Variants in ARL15 observed in about 807,000 individuals in gnomAD.
The protein encoded by ARL15 is ADP-ribosylation factor-like protein 15.
Under a neutral mutation model 25.2 loss-of-function variants are expected in ARL15, and 19 were observed. The ratio of observed to expected loss-of-function variants is 0.75; its 90% confidence interval spans 0.53 to 1.10. The LOEUF is 1.10. Among genes scored for constraint, ARL15 ranks in the 50% least tolerant of loss-of-function variants. The pLI is 0.00. For synonymous variants in ARL15, 94 were observed against 86.8 expected (o/e 1.08, Z -0.46); for missense variants, 220 against 246.0 (o/e 0.89, Z 0.71).
At chr5:53,942,998 G>A (rs697092) in intron 4 of ARL15, among the ~76,000 whole-genome samples, 1 of 151,920 alleles carries the variant, frequency 6.6e-6, no homozygotes, top group Admixed American at 6.5e-5. Flanking sequence ...GAAAATGGGA[G>A]GGGAGGAAAT....
At chr5:53,890,063 T>G (rs56086233) in intron 4 of ARL15, among the ~76,000 whole-genome samples, 50,187 of 152,078 alleles carry the variant, frequency 0.33, 9,374 homozygotes, top group Non-Finnish European at 0.42. Flanking sequence ...TCTGCCCACC[T>G]TGGCCTCCCA....
intron 4 of ARL15, among the ~76,000 whole-genome samples, chr5:53,969,031 TC>T (rs1442075439): frequency 6.6e-6 from 1 of 151,822 alleles, no homozygotes; most frequent in Non-Finnish European, 1.5e-5. Flanking sequence ...GTGCCTGTAA[TC>T]TCAGCTACTC....
At chr5:54,287,469 C>A (rs571488126) in intron 1 of ARL15, among the ~76,000 whole-genome samples, 1 of 150,688 alleles carries the variant, frequency 6.6e-6, no homozygotes, top group African/African-American at 2.4e-5. Context: ...TATCCAAGTT[C>A]AAAGGAGCAC....
chr5:54,198,866 T>C (rs1427435212), intron 1 of ARL15, among the ~76,000 whole-genome samples: 1 of 152,102 alleles, frequency 6.6e-6, no homozygotes, highest in Non-Finnish European at 1.5e-5. Context: ...AGAACAAAGC[T>C]GGAGGCATCA....
At chr5:54,141,724 A>C (rs533258574) in intron 3 of ARL15, among the ~76,000 whole-genome samples, 2 of 151,872 alleles carry the variant, frequency 1.3e-5, no homozygotes, top group South Asian at 2.1e-4. Flanking sequence ...TCCTTCTCCC[A>C]CTCCCAGGCA....
chr5:54,060,152 A>AC (rs1254218589), intron 4 of ARL15, among the ~76,000 whole-genome samples: 7 of 142,574 alleles, frequency 4.9e-5, no homozygotes, highest in Non-Finnish European at 7.6e-5. Flanking sequence ...AAAAAAAAAA[A>AC]CCCCGGGTGC....
chr5:54,006,307 A>G (rs1749041496), intron 4 of ARL15, among the ~76,000 whole-genome samples: 1 of 152,198 alleles, frequency 6.6e-6, no homozygotes, highest in African/African-American at 2.4e-5. Context: ...AAGCCACACC[A>G]GAAAAATTAA....
chr5:54,036,662 G>A (rs1284578801), intron 4 of ARL15, among the ~76,000 whole-genome samples: 1 of 152,070 alleles, frequency 6.6e-6, no homozygotes, highest in African/African-American at 2.4e-5. Context: ...TGTGGCAGAT[G>A]GATAAAAGGG....
chr5:54,266,346 G>C (rs915513164), intron 1 of ARL15, among the ~76,000 whole-genome samples: 1 of 152,170 alleles, frequency 6.6e-6, no homozygotes, highest in African/African-American at 2.4e-5. Context: ...CAAAGTAGCA[G>C]AAAATGTCAG....
intron 4 of ARL15, among the ~76,000 whole-genome samples, chr5:53,988,222 G>A (rs1279443251): frequency 6.6e-6 from 1 of 151,054 alleles, no homozygotes; most frequent in Non-Finnish European, 1.5e-5. Context: ...CTGAGGCCCA[G>A]GAGGTCTAGC....
intron 3 of ARL15, among the ~76,000 whole-genome samples, chr5:54,146,600 T>C (rs1178271124): frequency 6.6e-6 from 1 of 152,152 alleles, no homozygotes; most frequent in African/African-American, 2.4e-5. Flanking sequence ...AAATACTTAT[T>C]CCCTTGTGAG....
chr5:54,113,457 A>T (rs372022942), intron 3 of ARL15, 47 bp from the exon 4 acceptor site: 636 of 1,569,330 alleles, frequency 4.1e-4, no homozygotes, highest in Non-Finnish European at 4.4e-4. Flanking sequence ...GCTTTCAGCA[A>T]CTGAAAAATG....
chr5:54,082,868 G>A (rs1303675586), intron 4 of ARL15, among the ~76,000 whole-genome samples: 1 of 152,108 alleles, frequency 6.6e-6, no homozygotes, highest in Non-Finnish European at 1.5e-5. Flanking sequence ...GGAAATAGAG[G>A]CTGCTGAAGA....
intron 1 of ARL15, among the ~76,000 whole-genome samples, chr5:54,225,764 A>G (rs1240886771): frequency 6.6e-6 from 1 of 152,158 alleles, no homozygotes; most frequent in East Asian, 1.9e-4. Flanking sequence ...GTAAGGACAC[A>G]CCATCGCATC....
At chr5:54,223,199 AT>A (rs1300432273) in intron 1 of ARL15, among the ~76,000 whole-genome samples, 3 of 151,634 alleles carry the variant, frequency 2.0e-5, no homozygotes, top group African/African-American at 7.3e-5. Flanking sequence ...ACACTAAACC[AT>A]CCTCCCACCA....
chr5:54,289,676 C>T (rs1000421543), intron 1 of ARL15, among the ~76,000 whole-genome samples: 1 of 152,210 alleles, frequency 6.6e-6, no homozygotes, highest in Non-Finnish European at 1.5e-5. Flanking sequence ...ATACAACTTA[C>T]TATTTGTAGG....
intron 1 of ARL15, among the ~76,000 whole-genome samples, chr5:54,212,423 A>T (rs919002997): frequency 2.6e-5 from 4 of 152,136 alleles, no homozygotes; most frequent in Non-Finnish European, 4.4e-5. Flanking sequence ...AACTTTCCCC[A>T]CAGAACCTCA....
intron 4 of ARL15, among the ~76,000 whole-genome samples, chr5:54,037,730 CT>C (rs1291650383): frequency 1.3e-5 from 2 of 152,028 alleles, no homozygotes; most frequent in African/African-American, 4.8e-5. Flanking sequence ...ATGATAGGCA[CT>C]TTTAAAACTT....
At position 54,310,145 on chromosome 5, in the gene ARL15, G is replaced by A. The variant is rs1758858532; in HGVS notation, c.48+287C>T. 1.7e-5 allele frequency: 7 copies of A among 416,538 alleles called. No individual in the cohort carries two copies. The East Asian group carries it at 2.5e-4, about 15-fold the overall frequency. The allele number at this position is 416,538 out of a possible 1,614,324, so 25.8% of individuals were successfully genotyped here. Reference sequence around the variant, plus strand: ...AGCCAGGAAGCCGATCGCGGGCAGGGGACGCGCCGCCGCGGCCGCCCCATC... The same window carrying A: ...AGCCAGGAAGCCGATCGCGGGCAGGAGACGCGCCGCCGCGGCCGCCCCATC... On this transcript the variant is annotated intron_variant, in intron 1 of 4. Coordinates refer to ENST00000504924, the MANE Select transcript of ARL15 (RefSeq NM_019087.3).
Sources: allele counts gnomAD v4.1 joint callset (sites outside exome capture counted in the v4.1 genomes callset), GRCh38; gene constraint gnomAD v4.1.1; transcripts MANE v1.5; gene names NCBI Gene and HGNC (gene_info 2026-07-23, HGNC 2026-07-21).